Variants in NKAIN2 observed in about 807,000 individuals in gnomAD.
NKAIN2 encodes sodium/potassium transporting ATPase interacting 2, also known as sodium/potassium-transporting ATPase subunit beta-1-interacting protein 2.
In NKAIN2, 14 loss-of-function variants were observed where a neutral mutation model predicts 32.6. The ratio of observed to expected loss-of-function variants is 0.43; its 90% CI spans 0.28 to 0.67. The LOEUF is 0.67. Among genes scored for constraint, NKAIN2 ranks in the 30% least tolerant of loss-of-function variants. NKAIN2 has a pLI of 0.17. For synonymous variants in NKAIN2, 80 were observed against 87.2 expected, an observed-to-expected ratio of 0.92 and a Z score of 0.46; for missense variants, 198 against 258.3, an observed-to-expected ratio of 0.77 and a Z score of 1.60.
intron 1 of NKAIN2, among the ~76,000 whole-genome samples, chr6:123,971,029 A>G (rs558925505): frequency 1.3e-5 from 2 of 152,276 alleles, no homozygotes; most frequent in South Asian, 4.1e-4. Context: ...TTTGATTTAT[A>G]TTTATTGAAA....
At chr6:124,278,923 A>G (rs574704546) in intron 1 of NKAIN2, among the ~76,000 whole-genome samples, 1 of 152,086 alleles carries the variant, frequency 6.6e-6, no homozygotes, top group Admixed American at 6.6e-5. Flanking sequence ...ATGCCTTAAT[A>G]AGGATATAAT....
At chr6:124,761,592 C>G (rs908742804) in intron 4 of NKAIN2, among the ~76,000 whole-genome samples, 1 of 152,134 alleles carries the variant, frequency 6.6e-6, no homozygotes, top group African/African-American at 2.4e-5. Context: ...TGCCAAATAG[C>G]TCCTAATTCT....
At chr6:124,819,669 G>A (rs554743366) in intron 6 of NKAIN2, among the ~76,000 whole-genome samples, 8 of 152,200 alleles carry the variant, frequency 5.3e-5, no homozygotes, top group Admixed American at 1.3e-4. Context: ...AAAGTACTGC[G>A]CTGATGATTT....
rs773076195 is a variant in NKAIN2 at position 124,336,676 on chromosome 6, TTG to T, written c.193-18589_193-18588del. ...TCTAACTGAAATAGTTTGTTTTTTT[TTG>T]TTTGTTTTTTTTTTGAGACGGAGTC... On this transcript the variant is annotated intron_variant, in intron 2 of 6. Transcript: ENST00000368417. 9.5e-4 allele frequency among the ~76,000 whole-genome samples: 139 copies of T among 146,498 alleles called. 3 individuals are homozygous for T. Among genetic ancestry groups the T allele is most frequent in the African/African-American group, 2.9e-3 (115 of 39,948 alleles).
chr6:124,004,050 G>A (rs1010131370), intron 1 of NKAIN2, among the ~76,000 whole-genome samples: 1 of 152,156 alleles, frequency 6.6e-6, no homozygotes, highest in Non-Finnish European at 1.5e-5. Flanking sequence ...AAAATATCGA[G>A]CTAATTCCAA....
At chr6:124,342,140 G>T (rs113019030) in intron 2 of NKAIN2, among the ~76,000 whole-genome samples, 1 of 151,886 alleles carries the variant, frequency 6.6e-6, no homozygotes, top group East Asian at 1.9e-4. Context: ...GGTGGCTCAC[G>T]CCTGTAATCC....
Position 124,515,873 on chromosome 6 carries a change from A to G in NKAIN2, c.274-142313A>G, listed in dbSNP as rs187227032. ...TAATCTCCTGATTGCCTCTACCTTT[A>G]GCATCTGATAACCTCCTTCTACCAT... On this transcript the variant is annotated intron_variant, in intron 3 of 6. Transcript: ENST00000368417. 4.1e-3 allele frequency among the ~76,000 whole-genome samples: 619 copies of G among 152,008 alleles called. 8 individuals are homozygous for G. Among genetic ancestry groups the G allele is most frequent in the African/African-American group, 0.014 (593 of 41,424 alleles).
intron 1 of NKAIN2, among the ~76,000 whole-genome samples, chr6:124,201,246 C>T (rs990850120): frequency 6.6e-6 from 1 of 151,394 alleles, no homozygotes; most frequent in Non-Finnish European, 1.5e-5. Context: ...GGTGGGGGGG[C>T]GATGGTGATT....
intron 1 of NKAIN2, among the ~76,000 whole-genome samples, chr6:124,257,732 C>T (rs1239539072): frequency 2.0e-5 from 3 of 151,904 alleles, no homozygotes; most frequent in Non-Finnish European, 4.4e-5. Context: ...GTGGCCAGCA[C>T]TCCTCTATGA....
chr6:124,689,868 G>A (rs1774175406), intron 4 of NKAIN2, among the ~76,000 whole-genome samples: 1 of 152,082 alleles, frequency 6.6e-6, no homozygotes, highest in African/African-American at 2.4e-5. Flanking sequence ...ATGAGAGTAA[G>A]TCTTGAGGTT....
chr6:124,233,226 G>GA (rs201145523), intron 1 of NKAIN2, among the ~76,000 whole-genome samples: 499 of 143,318 alleles, frequency 3.5e-3, no homozygotes, highest in South Asian at 7.3e-3. Flanking sequence ...ACCTTTTAGA[G>GA]AAAAAAAAAA....
chr6:124,108,127 C>T (rs1785202689), intron 1 of NKAIN2, among the ~76,000 whole-genome samples: 1 of 152,116 alleles, frequency 6.6e-6, no homozygotes, highest in South Asian at 2.1e-4. Flanking sequence ...CACTGTTTTA[C>T]ATTCCCATCC....
intron 3 of NKAIN2, among the ~76,000 whole-genome samples, chr6:124,386,090 G>C (rs894286699): frequency 1.3e-5 from 2 of 151,988 alleles, no homozygotes; most frequent in Non-Finnish European, 2.9e-5. Flanking sequence ...TTTAAGATTA[G>C]AAAACAGAAA....
chr6:124,259,332 A>G (rs1193782011), intron 1 of NKAIN2, among the ~76,000 whole-genome samples: 1 of 152,160 alleles, frequency 6.6e-6, no homozygotes, highest in East Asian at 1.9e-4. Context: ...GGGGCCTGGC[A>G]TCTCATTGTT....
chr6:124,441,164 C>T (rs919183921), intron 3 of NKAIN2, among the ~76,000 whole-genome samples: 1 of 152,038 alleles, frequency 6.6e-6, no homozygotes, highest in African/African-American at 2.4e-5. Flanking sequence ...CCTCTTTTCT[C>T]TAAGATAAGT....
chr6:124,138,516 A>T (rs1786950799), intron 1 of NKAIN2, among the ~76,000 whole-genome samples: 1 of 151,978 alleles, frequency 6.6e-6, no homozygotes, highest in African/African-American at 2.4e-5. Context: ...AGAAGTCATT[A>T]TATGAAAAAG....
chr6:124,802,080 G>A (rs894228787), intron 5 of NKAIN2, among the ~76,000 whole-genome samples: 1 of 152,134 alleles, frequency 6.6e-6, no homozygotes. Flanking sequence ...TTAGGCTCAG[G>A]AGTTTTGTGA....
chr6:124,427,703 C>A (rs142124853), intron 3 of NKAIN2, among the ~76,000 whole-genome samples: 2 of 152,000 alleles, frequency 1.3e-5, no homozygotes, highest in Non-Finnish European at 2.9e-5. Context: ...GCCTGAAATA[C>A]GATCTAAGAA....
intron 3 of NKAIN2, among the ~76,000 whole-genome samples, chr6:124,561,730 A>AT (rs1420705947): frequency 1.3e-4 from 20 of 152,158 alleles, no homozygotes; most frequent in African/African-American, 4.8e-4. Context: ...AATGGTAAAT[A>AT]TATCCTAAAA....
Sources: allele counts gnomAD v4.1 joint callset (sites outside exome capture counted in the v4.1 genomes callset), GRCh38; gene constraint gnomAD v4.1.1; transcripts MANE v1.5; gene names NCBI Gene and HGNC (gene_info 2026-07-23, HGNC 2026-07-21).